WDR7: variants seen among roughly 807,000 people sequenced by gnomAD.
WDR7 encodes the protein WD repeat-containing protein 7.
A neutral mutation model predicts 169.4 loss-of-function variants in WDR7; 46 were observed. That is an observed-to-expected ratio of 0.27 (90% confidence interval 0.21 to 0.35). The LOEUF (loss-of-function observed/expected upper bound fraction) is 0.35, where lower values mean the gene tolerates loss of function less well. Among genes scored for constraint, WDR7 ranks in the 10% least tolerant of loss-of-function variants. The pLI is 1.00. For synonymous variants in WDR7, 612 were observed against 666.8 expected (o/e 0.92, Z 1.27); for missense variants, 1,534 against 1,859.3 (o/e 0.83, Z 3.22).
At chr18:56,735,228 G>A (rs2026674168) in intron 14 of WDR7, among the ~76,000 whole-genome samples, 1 of 152,246 alleles carries the variant, frequency 6.6e-6, no homozygotes, top group East Asian at 1.9e-4. Flanking sequence ...GGAAGCTGTT[G>A]CATAAGTTGA....
chr18:56,891,448 A>G (rs1006674938), intron 21 of WDR7, among the ~76,000 whole-genome samples: 1 of 152,128 alleles, frequency 6.6e-6, no homozygotes, highest in Admixed American at 6.6e-5. Flanking sequence ...GCATGAAAAA[A>G]ATGCCTGACA....
rs796221526 is a variant in WDR7, at chr18:56,990,754, C to G, written c.4164+28225C>G. ...ATATACCATAGTTATTCTGTCTTAC[C>G]CTCCTACCTATTGCTCCAGCTTTTT... On this transcript the variant is annotated intron_variant, in intron 26 of 27. Coordinates refer to ENST00000254442, the MANE Select transcript of WDR7 (RefSeq NM_015285.3). Among the ~76,000 whole-genome samples, 5 of 152,082 alleles carry G rather than the reference C, an allele frequency of 3.3e-5. No homozygotes were observed. The South Asian group carries it at 8.3e-4, about 25-fold the overall frequency.
intron 26 of WDR7, among the ~76,000 whole-genome samples, chr18:57,012,921 T>G (rs1178042132): frequency 6.6e-6 from 1 of 152,216 alleles, no homozygotes; most frequent in Non-Finnish European, 1.5e-5. Context: ...GGTTGATATG[T>G]AAAGATTAAA....
intron 26 of WDR7, among the ~76,000 whole-genome samples, chr18:57,019,613 A>G (rs143631861): frequency 5.8e-4 from 89 of 152,296 alleles, no homozygotes; most frequent in African/African-American, 2.1e-3. Flanking sequence ...AAAGGCAGCA[A>G]GGAATGTGCT....
intron 1 of WDR7, among the ~76,000 whole-genome samples, chr18:56,656,066 T>C (rs2024761959): frequency 6.6e-6 from 1 of 152,324 alleles, no homozygotes; most frequent in South Asian, 2.1e-4. Context: ...CAGTTTTGTG[T>C]GTGTGTGTGC....
chr18:56,997,264 G>A (rs1299236500), intron 26 of WDR7, among the ~76,000 whole-genome samples: 2 of 152,168 alleles, frequency 1.3e-5, no homozygotes, highest in Admixed American at 6.5e-5. Context: ...TCTCACAGTA[G>A]TGGCAGATAT....
intron 12 of WDR7, among the ~76,000 whole-genome samples, chr18:56,697,961 A>G (rs1025718974): frequency 6.6e-6 from 1 of 152,152 alleles, no homozygotes; most frequent in Non-Finnish European, 1.5e-5. Flanking sequence ...TGGGAGGCTG[A>G]GGCAGGCGTA....
At chr18:56,809,672 G>T (rs2044836225) in intron 19 of WDR7, among the ~76,000 whole-genome samples, 1 of 152,006 alleles carries the variant, frequency 6.6e-6, no homozygotes, top group African/African-American at 2.4e-5. Flanking sequence ...GTAGCAGGGA[G>T]AACTAAAACT....
chr18:56,677,705 G>A, intron 2 of WDR7, among the ~76,000 whole-genome samples: 1 of 152,080 alleles, frequency 6.6e-6, no homozygotes, highest in East Asian at 1.9e-4. Context: ...CTTAATCCTT[G>A]ACCTCTGGGA....
At chr18:56,816,240 A>G in intron 20 of WDR7, 96 bp downstream of exon 20, 1 of 1,051,516 alleles carries the variant, frequency 9.5e-7, no homozygotes, top group Non-Finnish European at 1.4e-6. Context: ...ATTTCGACGG[A>G]AAGGATGGAA....
At chr18:56,888,034 A>G (rs899036227) in intron 21 of WDR7, among the ~76,000 whole-genome samples, 2 of 152,192 alleles carry the variant, frequency 1.3e-5, no homozygotes, top group African/African-American at 4.8e-5. Flanking sequence ...TAAGGCCATT[A>G]AGATACAATA....
At chr18:57,000,243 T>TA (rs2047956172) in intron 26 of WDR7, among the ~76,000 whole-genome samples, 1 of 152,184 alleles carries the variant, frequency 6.6e-6, no homozygotes, top group South Asian at 2.1e-4. Context: ...TTTATACTTT[T>TA]AAAAGCCTGT....
At chr18:56,811,312 C>CT (rs2044865087) in intron 19 of WDR7, among the ~76,000 whole-genome samples, 1 of 152,024 alleles carries the variant, frequency 6.6e-6, no homozygotes, top group Admixed American at 6.6e-5. Context: ...CATGGTAACT[C>CT]TATGTTTAAC....
chr18:57,009,802 C>G (rs1788955147), intron 26 of WDR7: 1 of 959,218 alleles, frequency 1.0e-6, no homozygotes, highest in Non-Finnish European at 1.2e-6. Flanking sequence ...AATTCCCTAG[C>G]TTTATAATCT....
chr18:56,827,880 C>T (rs1196228714), intron 20 of WDR7, among the ~76,000 whole-genome samples: 1 of 151,746 alleles, frequency 6.6e-6, no homozygotes, highest in African/African-American at 2.4e-5. Flanking sequence ...CAGCAAAAAA[C>T]AAAAAAGATT....
At chr18:56,935,732 A>G in intron 22 of WDR7, 56 bp from the exon 23 acceptor site, 1 of 1,510,818 alleles carries the variant, frequency 6.6e-7, no homozygotes, top group Non-Finnish European at 9.2e-7. Flanking sequence ...TAATCTTTTC[A>G]GTCCATATTT....
intron 21 of WDR7, among the ~76,000 whole-genome samples, chr18:56,911,815 A>G (rs1484814683): frequency 6.6e-6 from 1 of 152,242 alleles, no homozygotes; most frequent in African/African-American, 2.4e-5. Context: ...AGAAGAGACA[A>G]TTATGAAGTT....
intron 27 of WDR7, among the ~76,000 whole-genome samples, chr18:57,023,615 C>A (rs977777380): frequency 6.6e-6 from 1 of 152,212 alleles, no homozygotes; most frequent in Non-Finnish European, 1.5e-5. Context: ...CAAAGTTACA[C>A]TTGAGTGAAT....
chr18:56,990,527 A>G (rs1036913413), intron 26 of WDR7, among the ~76,000 whole-genome samples: 5 of 152,208 alleles, frequency 3.3e-5, no homozygotes, highest in East Asian at 1.9e-4. Flanking sequence ...GAGAGGGGGA[A>G]AAAGAAGATG....
Sources: gnomAD v4.1 joint callset for allele counts (sites outside exome capture counted in the v4.1 genomes callset) on GRCh38, gnomAD v4.1.1 for gene constraint, MANE v1.5 for transcripts, NCBI Gene and HGNC (gene_info 2026-07-23, HGNC 2026-07-21) for gene names.